Variants in TRPM6 observed in about 807,000 individuals in gnomAD.
TRPM6 encodes the protein transient receptor potential cation channel subfamily M member 6, also known as channel kinase 2.
In TRPM6, 111 loss-of-function variants were observed where a neutral mutation model predicts 247.6. The ratio of observed to expected loss-of-function variants is 0.45; its 90% confidence interval spans 0.38 to 0.52. TRPM6 has a LOEUF of 0.52. TRPM6 is among the 20% of genes least tolerant of loss of function. The pLI, the probability that TRPM6 is intolerant of heterozygous loss-of-function variation, is 0.00. For synonymous variants in TRPM6, 892 were observed against 853.8 expected (o/e 1.04, Z -0.78); for missense variants, 2,126 against 2,421.5 (o/e 0.88, Z 2.56).
At chr9:74,850,448 G>A (rs148073645) in intron 3 of TRPM6, among the ~76,000 whole-genome samples, 3,202 of 148,880 alleles carry the variant, frequency 0.022, 100 homozygotes, top group African/African-American at 0.072. Flanking sequence ...GGCCGGGCGC[G>A]GTGGCTCACG....
In TRPM6 at chr9:74,785,997, A is replaced by T; in HGVS notation, c.2796T>A (p.Pro932=). The change falls in exon 21 of 39, where the codon CCT becomes CCA. Residue 932 remains proline, a synonymous_variant. Coordinates refer to ENST00000360774, the MANE Select transcript of TRPM6 (RefSeq NM_017662.5). The stretch of plus-strand genomic sequence containing the variant: ...TCAGTCTTCCCGCTGTGTGAAAAGG[A>T]GGGTCACCCCATCGAAGGACGAAGC... ...SAGFVLRWGD[P]PFHTAGRLIY... 6.2e-7 allele frequency: 1 copy of T among 1,614,228 alleles called. No homozygotes were observed. The highest frequency in any genetic ancestry group is 8.5e-7 in the Non-Finnish European group (1 of 1,180,040).
At chr9:74,732,408 G>A (rs1242176395) in intron 37 of TRPM6, among the ~76,000 whole-genome samples, 2 of 152,036 alleles carry the variant, frequency 1.3e-5, no homozygotes, top group African/African-American at 4.8e-5. Flanking sequence ...CTTACACATT[G>A]GGAACTCAGT....
intron 24 of TRPM6, 139 bp from the exon 25 acceptor site, chr9:74,771,974 T>C (rs1051587461): frequency 7.5e-6 from 6 of 803,296 alleles, no homozygotes; most frequent in Admixed American, 4.6e-5. Context: ...ATTTCTAATA[T>C]TAATGCAGAA....
At chr9:74,796,116 C>T (rs961255259) in intron 18 of TRPM6, among the ~76,000 whole-genome samples, 2 of 152,200 alleles carry the variant, frequency 1.3e-5, no homozygotes, top group Admixed American at 6.5e-5. Context: ...GCCTCCACCC[C>T]TTACACCATG....
chr9:74,848,199 A>C (rs1282531411), intron 3 of TRPM6, among the ~76,000 whole-genome samples: 2 of 152,190 alleles, frequency 1.3e-5, no homozygotes, highest in African/African-American at 4.8e-5. Flanking sequence ...TAAGCTGAGA[A>C]CTTTCACCTT....
chr9:74,853,289 GC>G (rs1393017216), intron 3 of TRPM6, among the ~76,000 whole-genome samples: 1 of 150,910 alleles, frequency 6.6e-6, no homozygotes, highest in African/African-American at 2.4e-5. Flanking sequence ...GAGCGTCTCC[GC>G]CCGGCAGCCG....
rs1324888038 is a variant in TRPM6 at position 74,812,400 on chromosome 9, A to G, written c.1342T>C (p.Leu448=). The part of the protein sequence containing the change: ...DALEQAMSDA[L]VMDRVDFVKL... ...ACAAAATCCACCCGATCCATCACTA[A>G]AGCATCTGACATTGCTTGTTCCAGG... The change falls in exon 12 of 39, where the codon TTA becomes CTA. Residue 448 remains leucine, a synonymous_variant. Coordinates refer to ENST00000360774, the MANE Select transcript of TRPM6 (RefSeq NM_017662.5). The G allele has an allele frequency of 6.2e-7, 1 of 1,613,952 alleles. No homozygotes were observed.
At chr9:74,885,355 A>G (rs757529459) in intron 1 of TRPM6, among the ~76,000 whole-genome samples, 11 of 152,222 alleles carry the variant, frequency 7.2e-5, no homozygotes, top group Non-Finnish European at 1.6e-4. Context: ...CATGATGACT[A>G]AACCTCAAAA....
intron 3 of TRPM6, among the ~76,000 whole-genome samples, chr9:74,852,593 C>T (rs1417100815): frequency 1.3e-5 from 2 of 152,120 alleles, no homozygotes; most frequent in African/African-American, 4.8e-5. Context: ...ACCTCCCTGC[C>T]TGATTCTCCT....
At chr9:74,877,411 G>C (rs923720641) in intron 1 of TRPM6, among the ~76,000 whole-genome samples, 11 of 152,158 alleles carry the variant, frequency 7.2e-5, no homozygotes, top group Non-Finnish European at 1.6e-4. Flanking sequence ...GACTAACAGG[G>C]AGCTGCCTGG....
At chr9:74,740,923 C>G (rs1825844639) in intron 33 of TRPM6, among the ~76,000 whole-genome samples, 1 of 152,130 alleles carries the variant, frequency 6.6e-6, no homozygotes. Flanking sequence ...TTTAACTCAG[C>G]TGGAGTCAAA....
At chr9:74,818,841 C>T (rs2117970219) in intron 9 of TRPM6, among the ~76,000 whole-genome samples, 1 of 151,976 alleles carries the variant, frequency 6.6e-6, no homozygotes, top group East Asian at 1.9e-4. Context: ...CATGCTTCCT[C>T]TAGCCAGAAC....
intron 7 of TRPM6, among the ~76,000 whole-genome samples, chr9:74,824,062 G>A (rs957702715): frequency 6.6e-6 from 1 of 151,612 alleles, no homozygotes; most frequent in African/African-American, 2.4e-5. Context: ...ACCTGAATGT[G>A]GAAGTATATA....
intron 1 of TRPM6, among the ~76,000 whole-genome samples, chr9:74,862,802 CA>C (rs1351125722): frequency 6.6e-6 from 1 of 151,878 alleles, no homozygotes; most frequent in Non-Finnish European, 1.5e-5. Context: ...GACAACATGG[CA>C]AAACCCCATC....
intron 6 of TRPM6, among the ~76,000 whole-genome samples, chr9:74,828,933 G>A (rs116510298): frequency 0.014 from 2,110 of 152,172 alleles, 54 homozygotes; most frequent in African/African-American, 0.049. Context: ...CAAAAATAGT[G>A]TCTTTTTATA....
At chr9:74,754,926 T>A (rs1376344731) in intron 28 of TRPM6, among the ~76,000 whole-genome samples, 2 of 152,172 alleles carry the variant, frequency 1.3e-5, no homozygotes, top group African/African-American at 2.4e-5. Context: ...GCCCACAGAA[T>A]AAACACTAAA....
At chr9:74,752,188 A>AT (rs2118794387) in intron 29 of TRPM6, 89 bp downstream of exon 29, 1 of 738,510 alleles carries the variant, frequency 1.4e-6, no homozygotes, top group African/African-American at 1.7e-5. Context: ...GTAGAAGCCA[A>AT]TTAAGGGACA....
chr9:74,800,692 A>G (rs1015473340), intron 16 of TRPM6, among the ~76,000 whole-genome samples: 5 of 151,582 alleles, frequency 3.3e-5, no homozygotes, highest in Non-Finnish European at 7.4e-5. Context: ...ATTTGAAAGG[A>G]ATTACAGCTC....
intron 5 of TRPM6, among the ~76,000 whole-genome samples, chr9:74,834,998 T>C (rs185866631): frequency 6.6e-6 from 1 of 152,292 alleles, no homozygotes; most frequent in African/African-American, 2.4e-5. Flanking sequence ...ACTAGATCCT[T>C]GAGGAATCGC....
Sources: gnomAD v4.1 joint callset for allele counts (sites outside exome capture counted in the v4.1 genomes callset) on GRCh38, gnomAD v4.1.1 for gene constraint, MANE v1.5 for transcripts, NCBI Gene and HGNC (gene_info 2026-07-23, HGNC 2026-07-21) for gene names.